CADPS: variants seen among roughly 807,000 people sequenced by gnomAD.
The protein encoded by CADPS is calcium-dependent secretion activator 1.
A neutral mutation model predicts 167.3 loss-of-function variants in CADPS; 57 were observed. That is an observed-to-expected ratio of 0.34 (90% CI 0.28 to 0.42). CADPS has a LOEUF of 0.42. Among genes scored for constraint, CADPS ranks in the 20% least tolerant of loss-of-function variants. The pLI, the probability that CADPS is intolerant of heterozygous loss-of-function variation, is 1.00. For missense variants in CADPS, 1,414 were observed against 1,738.1 expected (o/e 0.81, Z 3.32); for synonymous variants, 676 against 635.3 (o/e 1.06, Z -0.96).
chr3:62,639,264 A>C (rs1289030727), intron 6 of CADPS, among the ~76,000 whole-genome samples: 1 of 152,182 alleles, frequency 6.6e-6, no homozygotes, highest in Non-Finnish European at 1.5e-5. Flanking sequence ...TTAGAAAGAA[A>C]TTAAACCTTT....
At chr3:62,688,897 G>A (rs1340957463) in intron 3 of CADPS, among the ~76,000 whole-genome samples, 1 of 151,946 alleles carries the variant, frequency 6.6e-6, no homozygotes, top group Non-Finnish European at 1.5e-5. Context: ...CCATGGTACA[G>A]CAATGGGTAA....
At position 62,815,515 on chromosome 3, in the gene CADPS, T is replaced by C. The variant is rs368932670; in HGVS notation, c.442-49531A>G. On this transcript the variant is annotated intron_variant, in intron 1 of 29. Transcript: ENST00000383710. ...TTCCTTGATCTGGGTGCAGATTACA[T>C]GGGTGTGTGCATGTAGGATTTATAG... is the stretch of plus-strand genomic sequence containing the variant. 5.3e-5 allele frequency among the ~76,000 whole-genome samples: 8 copies of C among 152,210 alleles called. No homozygotes were observed. In the East Asian group the frequency reaches 9.7e-4, roughly 18 times the overall value.
intron 1 of CADPS, among the ~76,000 whole-genome samples, chr3:62,854,294 C>A (rs2079214794): frequency 6.6e-6 from 1 of 152,162 alleles, no homozygotes; most frequent in Non-Finnish European, 1.5e-5. Context: ...TCTATGCATT[C>A]CTTTCGTAGT....
chr3:62,814,259 A>C (rs557149145), intron 1 of CADPS: 1 of 152,272 alleles, frequency 6.6e-6, no homozygotes, highest in South Asian at 2.1e-4. Flanking sequence ...ATGTAACAGA[A>C]GCCACACATG....
At chr3:62,694,654 A>G (rs6763320) in intron 3 of CADPS, among the ~76,000 whole-genome samples, 28,007 of 152,052 alleles carry the variant, frequency 0.18, 3,389 homozygotes, top group African/African-American at 0.35. Context: ...ATCCACTGAC[A>G]AAGCATTTTG....
chr3:62,553,963 T>G (rs1010609256), intron 10 of CADPS, among the ~76,000 whole-genome samples: 1 of 152,186 alleles, frequency 6.6e-6, no homozygotes, highest in African/African-American at 2.4e-5. Context: ...TGGGAATAGA[T>G]GGAGGCAGAC....
At chr3:62,693,200 A>G (rs935987886) in intron 3 of CADPS, among the ~76,000 whole-genome samples, 1 of 152,002 alleles carries the variant, frequency 6.6e-6, no homozygotes, top group Non-Finnish European at 1.5e-5. Context: ...TTTCATCCCC[A>G]GAAGTGCTCA....
chr3:62,698,795 A>G (rs1483803452), intron 3 of CADPS, among the ~76,000 whole-genome samples: 1 of 116,992 alleles, frequency 8.5e-6, no homozygotes, highest in Non-Finnish European at 1.6e-5. Context: ...GCTGGAGTGC[A>G]GTAGTATGAT....
chr3:62,857,553 T>G (rs1449298380), intron 1 of CADPS, among the ~76,000 whole-genome samples: 1 of 152,032 alleles, frequency 6.6e-6, no homozygotes, highest in East Asian at 1.9e-4. Flanking sequence ...ATGACATGGT[T>G]TTTCATATTT....
chr3:62,794,415 C>T (rs1190788259), intron 1 of CADPS, among the ~76,000 whole-genome samples: 1 of 152,116 alleles, frequency 6.6e-6, no homozygotes, highest in African/African-American at 2.4e-5. Flanking sequence ...CTCCCTGTCT[C>T]CACTATACAG....
chr3:62,785,168 C>A (rs560371290), intron 1 of CADPS, among the ~76,000 whole-genome samples: 4 of 152,218 alleles, frequency 2.6e-5, no homozygotes, highest in South Asian at 2.1e-4. Context: ...GTTAAACTAA[C>A]CTCTCTACCT....
At chr3:62,451,454 A>G (rs2058037345) in intron 26 of CADPS, among the ~76,000 whole-genome samples, 1 of 151,956 alleles carries the variant, frequency 6.6e-6, no homozygotes, top group South Asian at 2.1e-4. Flanking sequence ...AGGGTTTGAT[A>G]CTATTAAATC....
chr3:62,650,994 G>A lies in CADPS; in HGVS notation c.1056C>T (p.Ala352=), dbSNP rs756166133. 6.2e-7 allele frequency: 1 copy of A among 1,614,052 alleles called. No individual in the cohort carries two copies. Among genetic ancestry groups the A allele is most frequent in the Non-Finnish European group, 8.5e-7 (1 of 1,179,952 alleles). ...TGGATACCGGCATGCTCTCCAAGTT[G>A]GCCATGAGCAGGTTGACAGATGACT... ...ELKSSVNLLM[A]NLESMPVSKG... Residue 352 remains alanine, a synonymous_variant, in exon 5 of 30, where the codon GCC becomes GCT. Coordinates refer to ENST00000383710, the MANE Select transcript of CADPS (RefSeq NM_003716.4).
In CADPS at chr3:62,602,231, T is replaced by C. The variant is rs986117800; in HGVS notation, c.1326-9483A>G. The stretch of plus-strand genomic sequence containing the variant: ...ATCTACGTTAGGCAAATAAGGACCC[T>C]TGGAGAATTGGATTTTGTGCAGGTT... On this transcript the variant is annotated intron_variant, in intron 6 of 29. Transcript: ENST00000383710. The surrounding 1 kb of genome is among the most constrained non-coding windows in gnomAD (Gnocchi z 4.4). 6.0e-5 allele frequency among the ~76,000 whole-genome samples: 8 copies of C among 132,620 alleles called. No homozygotes were observed. Among genetic ancestry groups the C allele is most frequent in the Non-Finnish European group, 1.1e-4 (7 of 63,798 alleles). 87.0% of individuals were successfully genotyped at this position (132,620 alleles called of 152,430 possible).
chr3:62,633,870 T>G (rs968350206), intron 6 of CADPS, among the ~76,000 whole-genome samples: 1 of 151,936 alleles, frequency 6.6e-6, no homozygotes, highest in Non-Finnish European at 1.5e-5. Flanking sequence ...CAATCGAAAT[T>G]AACACTTCAG....
chr3:62,554,262 T>G lies in CADPS; in HGVS notation c.1753+3143A>C, dbSNP rs575997428. Among the ~76,000 whole-genome samples, 4 of 152,348 alleles carry G rather than the reference T, an allele frequency of 2.6e-5. No individual in the cohort carries two copies. The South Asian group carries it at 8.3e-4, about 32-fold the overall frequency. On this transcript the variant is annotated intron_variant, in intron 10 of 29. Coordinates refer to ENST00000383710, the MANE Select transcript of CADPS (RefSeq NM_003716.4). ...TTTTTAGCTTAAAAGGAGTAGCTTG[T>G]AAGTGAAACTTACATAATTTGCCAG...
intron 1 of CADPS, among the ~76,000 whole-genome samples, chr3:62,794,778 T>TAAAAAAAAAAAAAAAAAAA (rs71126555): frequency 1.0e-5 from 1 of 99,928 alleles, no homozygotes; most frequent in Non-Finnish European, 1.8e-5. Context: ...CGCAAGGTGG[T>TAAAAAAAAAAAAAAAAAAA]AAAAAAAAAA....
intron 24 of CADPS, chr3:62,470,592 A>G (rs2060472261): frequency 6.6e-6 from 1 of 152,238 alleles, no homozygotes; most frequent in African/African-American, 2.4e-5. Flanking sequence ...GTACATATTT[A>G]CAGACAATTA....
chr3:62,792,569 C>T (rs925811754), intron 1 of CADPS, among the ~76,000 whole-genome samples: 2 of 151,814 alleles, frequency 1.3e-5, no homozygotes, highest in Admixed American at 6.6e-5. Context: ...AATGAAAGCT[C>T]GCATTATAAT....
Sources: allele counts gnomAD v4.1 joint callset (sites outside exome capture counted in the v4.1 genomes callset), GRCh38; gene constraint gnomAD v4.1.1; non-coding constraint Gnocchi (gnomAD v3.1); transcripts MANE v1.5; gene names NCBI Gene and HGNC (gene_info 2026-07-23, HGNC 2026-07-21).